The following FARS2 variants were observed in gnomAD, a reference collection of about 807,000 sequenced individuals.
FARS2 encodes the protein phenylalanyl-tRNA synthetase 2, mitochondrial.
Under a neutral mutation model 46.4 loss-of-function variants are expected in FARS2, and 40 were observed. The ratio of observed to expected loss-of-function variants is 0.86; its 90% CI spans 0.67 to 1.12. The LOEUF (loss-of-function observed/expected upper bound fraction) is 1.12. Ranked by LOEUF, FARS2 falls within the 50% of genes most tolerant of loss-of-function variation. The pLI is 0.00. For missense variants in FARS2, 513 were observed against 567.9 expected, an observed-to-expected ratio of 0.90 and a Z score of 0.98; for synonymous variants, 234 against 214.9, an observed-to-expected ratio of 1.09 and a Z score of -0.78.
chr6:5,589,788 T>G (rs1773813767), intron 5 of FARS2, among the ~76,000 whole-genome samples: 2 of 152,234 alleles, frequency 1.3e-5, no homozygotes, highest in Admixed American at 6.5e-5. Flanking sequence ...AGTAGATATT[T>G]TATTTTTCTC....
Position 5,537,539 on chromosome 6 carries a change from C to CTCCTCTCGAGTTGGAGATGTCCCGGGCT in FARS2, c.905-7565_905-7538dup, listed in dbSNP as rs1396230155. On this transcript the variant is annotated intron_variant, in intron 4 of 6. Coordinates refer to ENST00000274680, the MANE Select transcript of FARS2 (RefSeq NM_006567.5). ...CTCTCGAGTTGGAGATGTCCCGGGC[C>CTCCTCTCGAGTTGGAGATGTCCCGGGCT]TCCTCTCGAGTTGGAGATGTCCCGG... is the stretch of plus-strand genomic sequence containing the variant. 1.6e-5 allele frequency among the ~76,000 whole-genome samples: 2 copies of CTCCTCTCGAGTTGGAGATGTCCCGGGCT among 124,662 alleles called. 1 individual carries two copies. The highest frequency in any genetic ancestry group is 4.7e-4 in the South Asian group (2 of 4,214). The allele number at this position is 124,662 out of a possible 152,430, so 81.8% of individuals were successfully genotyped here. A position where few individuals can be genotyped will look rare whatever the true frequency, so the allele number is the denominator to read the frequency against.
At chr6:5,559,707 A>C (rs1280489746) in intron 5 of FARS2, among the ~76,000 whole-genome samples, 1 of 151,642 alleles carries the variant, frequency 6.6e-6, no homozygotes, top group Non-Finnish European at 1.5e-5. Flanking sequence ...TAGCTAAATA[A>C]CAATGTTGAA....
At chr6:5,516,459 G>A (rs1768800515) in intron 4 of FARS2, among the ~76,000 whole-genome samples, 1 of 152,196 alleles carries the variant, frequency 6.6e-6, no homozygotes, top group African/African-American at 2.4e-5. Context: ...TTTGATTAAT[G>A]TGCATAGTTG....
chr6:5,566,100 G>A (rs1399840953), intron 5 of FARS2, among the ~76,000 whole-genome samples: 1 of 152,138 alleles, frequency 6.6e-6, no homozygotes, highest in African/African-American at 2.4e-5. Context: ...CTTAATTTAT[G>A]AGAAGACCAT....
At chr6:5,365,313 CTTTCT>C (rs1758582183) in intron 1 of FARS2, among the ~76,000 whole-genome samples, 1 of 68,168 alleles carries the variant, frequency 1.5e-5, no homozygotes, top group African/African-American at 6.2e-5. Context: ...GAGAAGTATA[CTTTCT>C]TTTTTTTTTT....
intron 1 of FARS2, among the ~76,000 whole-genome samples, chr6:5,285,226 G>C (rs1337789089): frequency 6.6e-6 from 1 of 152,178 alleles, no homozygotes; most frequent in East Asian, 1.9e-4. Flanking sequence ...AGAAGCATCG[G>C]ATGCAGTGAC....
chr6:5,335,375 G>A (rs893350875), intron 1 of FARS2, among the ~76,000 whole-genome samples: 2 of 152,230 alleles, frequency 1.3e-5, no homozygotes, highest in East Asian at 3.9e-4. Context: ...CTGTACAGGC[G>A]CTTTATATTG....
At chr6:5,253,030 C>A in the FARS2 span, among the ~76,000 whole-genome samples, 1 of 152,170 alleles carries the variant, frequency 6.6e-6, no homozygotes, top group Non-Finnish European at 1.5e-5. Context: ...TATGGCCTTT[C>A]CTTTGTACTT....
chr6:5,686,746 T>G (rs558668165), intron 6 of FARS2, among the ~76,000 whole-genome samples: 2 of 152,356 alleles, frequency 1.3e-5, no homozygotes, highest in African/African-American at 4.8e-5. Flanking sequence ...TCAAATGGTA[T>G]TTCAGTTCTA....
At chr6:5,327,100 A>G (rs1581791245) in intron 1 of FARS2, among the ~76,000 whole-genome samples, 1 of 152,186 alleles carries the variant, frequency 6.6e-6, no homozygotes, top group African/African-American at 2.4e-5. Flanking sequence ...TGATAGCTCA[A>G]TTTACAAATT....
chr6:5,260,542 C>CA, upstream of FARS2: 2 of 1,451,980 alleles, frequency 1.4e-6, no homozygotes, highest in South Asian at 2.5e-5. Context: ...CAGCCGCCGG[C>CA]AAACCACGGT....
intron 6 of FARS2, among the ~76,000 whole-genome samples, chr6:5,723,423 T>C (rs777801078): frequency 6.6e-6 from 1 of 152,226 alleles, no homozygotes. Flanking sequence ...TTGGACACGC[T>C]GCAGACCCTT....
intron 4 of FARS2, among the ~76,000 whole-genome samples, chr6:5,515,240 A>G (rs542015095): frequency 7.2e-5 from 11 of 152,292 alleles, no homozygotes; most frequent in African/African-American, 2.2e-4. Context: ...AGAGATAACA[A>G]ATGAAGCTTA....
intron 5 of FARS2, among the ~76,000 whole-genome samples, chr6:5,556,107 A>G (rs1267888822): frequency 1.3e-5 from 2 of 152,188 alleles, no homozygotes; most frequent in East Asian, 3.9e-4. Flanking sequence ...TGGAAAAACT[A>G]TTGCATCCTA....
At chr6:5,629,835 C>A (rs1467361539) in intron 6 of FARS2, among the ~76,000 whole-genome samples, 2 of 151,940 alleles carry the variant, frequency 1.3e-5, no homozygotes, top group Admixed American at 6.6e-5. Flanking sequence ...GAGCTCAAAT[C>A]TATGGGAAAC....
chr6:5,274,696 T>C (rs535587293), intron 1 of FARS2, among the ~76,000 whole-genome samples: 1 of 152,328 alleles, frequency 6.6e-6, no homozygotes, highest in African/African-American at 2.4e-5. Context: ...TTAGTCTTTC[T>C]GTTTTATGCA....
intron 2 of FARS2, among the ~76,000 whole-genome samples, chr6:5,378,899 C>T (rs1759564017): frequency 6.6e-6 from 1 of 152,204 alleles, no homozygotes; most frequent in Non-Finnish European, 1.5e-5. Flanking sequence ...GGAAATACCC[C>T]ATTATTGGAG....
intron 1 of FARS2, among the ~76,000 whole-genome samples, chr6:5,350,665 T>A (rs1757518838): frequency 6.6e-6 from 1 of 152,208 alleles, no homozygotes; most frequent in Non-Finnish European, 1.5e-5. Context: ...ACACTTTGTG[T>A]AAAAATTAGC....
chr6:5,467,287 A>G (rs1765565186), intron 4 of FARS2, among the ~76,000 whole-genome samples: 1 of 152,162 alleles, frequency 6.6e-6, no homozygotes, highest in Non-Finnish European at 1.5e-5. Flanking sequence ...GGTTTCAGTA[A>G]CAACATTTTA....
Sources: allele counts gnomAD v4.1 joint callset (sites outside exome capture counted in the v4.1 genomes callset), GRCh38; gene constraint gnomAD v4.1.1; transcripts MANE v1.5; gene names NCBI Gene and HGNC (gene_info 2026-07-23, HGNC 2026-07-21).